Variants in CD109 observed in about 807,000 individuals in gnomAD.
CD109 encodes the protein CD109 molecule, also known as CD109 antigen.
Under a neutral mutation model 165.8 loss-of-function variants are expected in CD109, and 149 were observed. The observed-to-expected ratio is 0.90, with a 90% CI of 0.79 to 1.03. CD109 has a LOEUF of 1.03. CD109 is among the 50% of genes least tolerant of loss of function. CD109 has a pLI of 0.00. For missense variants in CD109, 1,712 were observed against 1,677.8 expected (o/e 1.02, Z -0.36); for synonymous variants, 585 against 592.1 (o/e 0.99, Z 0.18).
chr6:73,813,558 A>G (rs1582203048), intron 29 of CD109, among the ~76,000 whole-genome samples: 2 of 152,282 alleles, frequency 1.3e-5, no homozygotes, highest in Non-Finnish European at 1.5e-5. Flanking sequence ...GAAAAAAATT[A>G]CAAAGAAGTT....
chr6:73,781,226 G>A (rs1157506545), intron 16 of CD109, 33 bp from the exon 17 acceptor site: 1 of 1,569,506 alleles, frequency 6.4e-7, no homozygotes, highest in Non-Finnish European at 8.7e-7. Flanking sequence ...TTAAACTTGT[G>A]TTTTAAAAGA....
intron 22 of CD109, among the ~76,000 whole-genome samples, chr6:73,791,147 A>ATATATG (rs1344589433): frequency 2.9e-5 from 1 of 34,802 alleles, no homozygotes; most frequent in East Asian, 1.1e-3. Context: ...ATATATATAT[A>ATATATG]TATATATATA....
chr6:73,780,544 A>T, intron 16 of CD109, 46 bp downstream of exon 16: 1 of 1,222,662 alleles, frequency 8.2e-7, no homozygotes, highest in Non-Finnish European at 1.2e-6. Flanking sequence ...ATTTTTTACT[A>T]TTGCAAACCC....
At chr6:73,791,190 T>TATATATATATATGTATAC (rs1352766740) in intron 22 of CD109, among the ~76,000 whole-genome samples, 2 of 13,528 alleles carry the variant, frequency 1.5e-4, no homozygotes, top group African/African-American at 2.3e-4. Flanking sequence ...CACACACACA[T>TATATATATATATGTATAC]ACATATATAT....
At chr6:73,698,848 T>C (rs1031726890) in intron 2 of CD109, among the ~76,000 whole-genome samples, 4 of 152,212 alleles carry the variant, frequency 2.6e-5, no homozygotes, top group Non-Finnish European at 5.9e-5. Flanking sequence ...TTGCTACTAG[T>C]TGTATGATCT....
intron 2 of CD109, among the ~76,000 whole-genome samples, chr6:73,720,508 C>T (rs187809731): frequency 1.3e-3 from 200 of 152,092 alleles, no homozygotes; most frequent in Middle Eastern, 0.01. Flanking sequence ...TTTAATTGTT[C>T]CTTTCCACAA....
intron 30 of CD109, among the ~76,000 whole-genome samples, chr6:73,815,445 ATTTCT>A (rs1474008406): frequency 5.3e-5 from 8 of 151,994 alleles, no homozygotes; most frequent in African/African-American, 1.7e-4. Context: ...AAAAATGGTT[ATTTCT>A]TGTTATGAGT....
intron 23 of CD109, among the ~76,000 whole-genome samples, chr6:73,801,151 T>C (rs749971008): frequency 1.2e-4 from 19 of 152,254 alleles, no homozygotes; most frequent in Admixed American, 3.9e-4. Context: ...TGTGATTTAC[T>C]AGGAGACAGT....
chr6:73,801,258 C>T (rs942192892), intron 23 of CD109, among the ~76,000 whole-genome samples: 2 of 152,178 alleles, frequency 1.3e-5, no homozygotes, highest in Non-Finnish European at 2.9e-5. Context: ...GAGTTTCAGT[C>T]TCATTATCTG....
intron 5 of CD109, among the ~76,000 whole-genome samples, chr6:73,744,626 A>T (rs1050663275): frequency 1.3e-5 from 2 of 152,186 alleles, no homozygotes; most frequent in African/African-American, 4.8e-5. Flanking sequence ...TTGTGTCTTT[A>T]TTCAGCCATT....
In CD109 at chr6:73,750,293, A is replaced by G. The variant is rs187353055; in HGVS notation, c.634-6350A>G. ...TGGGTGAGTGGTATGAGCTAGATGTATTTGGACTGAGCCATCAGAAATCAC... is the reference window on the plus strand; with the variant it reads ...TGGGTGAGTGGTATGAGCTAGATGTGTTTGGACTGAGCCATCAGAAATCAC... On this transcript the variant is annotated intron_variant, in intron 5 of 32. Transcript: ENST00000287097. 2.6e-5 allele frequency among the ~76,000 whole-genome samples: 4 copies of G among 152,312 alleles called. No homozygotes were observed. The East Asian group carries it at 7.7e-4, about 29-fold the overall frequency.
intron 23 of CD109, among the ~76,000 whole-genome samples, chr6:73,799,575 A>T (rs943987274): frequency 6.6e-6 from 1 of 152,196 alleles, no homozygotes; most frequent in African/African-American, 2.4e-5. Context: ...GGCACATCAC[A>T]TGGTGAAAAC....
chr6:73,806,419 C>A (rs1000396262), intron 24 of CD109, among the ~76,000 whole-genome samples: 41 of 151,824 alleles, frequency 2.7e-4, no homozygotes, highest in African/African-American at 9.4e-4. Flanking sequence ...GTAAATGACG[C>A]GTTAATGGGT....
intron 2 of CD109, among the ~76,000 whole-genome samples, chr6:73,704,992 A>G (rs975382191): frequency 1.3e-5 from 2 of 152,162 alleles, no homozygotes; most frequent in African/African-American, 4.8e-5. Flanking sequence ...CTCTGCTGAC[A>G]TATTTGGCCT....
intron 21 of CD109, among the ~76,000 whole-genome samples, chr6:73,787,804 A>AT: frequency 6.6e-6 from 1 of 152,120 alleles, no homozygotes; most frequent in Non-Finnish European, 1.5e-5. Context: ...GATTTTGTAG[A>AT]TTTTTTTCAG....
intron 15 of CD109, among the ~76,000 whole-genome samples, chr6:73,775,510 TTATC>T (rs1774210675): frequency 2.0e-5 from 3 of 152,184 alleles, no homozygotes; most frequent in Admixed American, 1.3e-4. Flanking sequence ...CATCATTTGT[TTATC>T]TATTTATTTA....
intron 2 of CD109, among the ~76,000 whole-genome samples, chr6:73,712,222 T>C (rs1771566443): frequency 7.0e-6 from 1 of 143,772 alleles, no homozygotes. Context: ...AAAAAAAAAA[T>C]TGTATTTTAA....
intron 4 of CD109, among the ~76,000 whole-genome samples, chr6:73,734,125 T>C (rs907591964): frequency 6.6e-6 from 1 of 152,246 alleles, no homozygotes; most frequent in Non-Finnish European, 1.5e-5. Flanking sequence ...AATCCTGATG[T>C]GTCTTGTAGA....
chr6:73,723,540 G>A (rs2150170219), intron 3 of CD109, among the ~76,000 whole-genome samples: 3 of 152,280 alleles, frequency 2.0e-5, no homozygotes, highest in Admixed American at 2.0e-4. Context: ...TGGACTATTA[G>A]CACAGAAATC....
Sources: allele counts gnomAD v4.1 joint callset (sites outside exome capture counted in the v4.1 genomes callset), GRCh38; gene constraint gnomAD v4.1.1; transcripts MANE v1.5; gene names NCBI Gene and HGNC (gene_info 2026-07-23, HGNC 2026-07-21).